Variants in EGLN1 observed in about 807,000 individuals in gnomAD.
EGLN1 encodes the protein egl-9 family hypoxia inducible factor 1, also known as egl nine homolog 1.
Under a neutral mutation model 38.3 loss-of-function variants are expected in EGLN1, and 17 were observed. That is an observed-to-expected ratio of 0.44 (90% confidence interval 0.30 to 0.67). EGLN1 has a LOEUF of 0.67. EGLN1 is among the 30% of genes least tolerant of loss of function. EGLN1 has a pLI of 0.08. For missense variants in EGLN1, 477 were observed against 603.3 expected (o/e 0.79, Z 2.19); for synonymous variants, 283 against 257.5 (o/e 1.10, Z -0.95).
chr1:231,409,727 A>T (rs1271671065), intron 1 of EGLN1, among the ~76,000 whole-genome samples: 1 of 152,196 alleles, frequency 6.6e-6, no homozygotes, highest in Non-Finnish European at 1.5e-5. Flanking sequence ...GATTGTTGTT[A>T]TTACTATTAT....
At chr1:231,418,352 TG>T (rs1402421792) in intron 1 of EGLN1, among the ~76,000 whole-genome samples, 5 of 152,326 alleles carry the variant, frequency 3.3e-5, no homozygotes, top group African/African-American at 1.2e-4. Flanking sequence ...ACAAAATATA[TG>T]TATCAAATTG....
chr1:231,377,864 T>C (rs1390889686), intron 1 of EGLN1, among the ~76,000 whole-genome samples: 3 of 151,604 alleles, frequency 2.0e-5, no homozygotes, highest in African/African-American at 2.4e-5. Flanking sequence ...TATACAGTAT[T>C]TGAATTCCAA....
chr1:231,372,549 A>G (rs1475173843), intron 2 of EGLN1, among the ~76,000 whole-genome samples: 2 of 152,202 alleles, frequency 1.3e-5, no homozygotes, highest in Admixed American at 1.3e-4. Context: ...AAAAAAGTCA[A>G]TTTTTAAATT....
At chr1:231,400,889 A>G (rs1688649879) in intron 1 of EGLN1, among the ~76,000 whole-genome samples, 1 of 152,106 alleles carries the variant, frequency 6.6e-6, no homozygotes, top group South Asian at 2.1e-4. Flanking sequence ...ATCTCTACAA[A>G]TAATACAAAA....
chr1:231,420,973 G>C (rs1656571549), intron 1 of EGLN1, 25 bp downstream of exon 1: 1 of 1,613,658 alleles, frequency 6.2e-7, no homozygotes, highest in Non-Finnish European at 8.5e-7. Flanking sequence ...GGCCTGTCCA[G>C]CACAAACCCG....
At chr1:231,380,287 G>C (rs2102903862) in intron 1 of EGLN1, among the ~76,000 whole-genome samples, 1 of 139,102 alleles carries the variant, frequency 7.2e-6, no homozygotes. Context: ...CTGCACTCAA[G>C]CCTGGGCGAC....
At chr1:231,388,114 T>C (rs1269710854) in intron 1 of EGLN1, among the ~76,000 whole-genome samples, 1 of 152,140 alleles carries the variant, frequency 6.6e-6, no homozygotes, top group Non-Finnish European at 1.5e-5. Context: ...GTAGAGGGTG[T>C]TAGAACCCAG....
intron 1 of EGLN1, among the ~76,000 whole-genome samples, chr1:231,381,108 C>T (rs941843691): frequency 2.0e-5 from 3 of 152,022 alleles, no homozygotes; most frequent in Non-Finnish European, 4.4e-5. Flanking sequence ...GCTCTCACTA[C>T]GTTGTTCAGG....
intron 1 of EGLN1, among the ~76,000 whole-genome samples, chr1:231,374,812 T>C (rs1191688883): frequency 6.6e-6 from 1 of 152,148 alleles, no homozygotes; most frequent in Admixed American, 6.5e-5. Context: ...ACTAAACAAA[T>C]TAGCTTATGT....
chr1:231,396,340 G>A lies in EGLN1; in HGVS notation c.892-22241C>T, dbSNP rs1439340191. ...AGGATCTCGGCTCACTGCAACCTCT[G>A]CCTCCTAGGTTCAAGCGATTCTCCT... On this transcript the variant is annotated intron_variant, in intron 1 of 4. Transcript: ENST00000366641. 6.0e-5 allele frequency among the ~76,000 whole-genome samples: 9 copies of A among 150,876 alleles called. No individual in the cohort carries two copies. The South Asian group carries it at 1.5e-3, about 25-fold the overall frequency.
intron 1 of EGLN1, among the ~76,000 whole-genome samples, chr1:231,396,111 T>C (rs1028169114): frequency 1.3e-5 from 2 of 152,008 alleles, no homozygotes; most frequent in African/African-American, 4.8e-5. Context: ...TTTGGTACTA[T>C]TCATCTTCTT....
intron 1 of EGLN1, among the ~76,000 whole-genome samples, chr1:231,382,607 T>C (rs1688101819): frequency 6.6e-6 from 1 of 152,198 alleles, no homozygotes; most frequent in African/African-American, 2.4e-5. Flanking sequence ...ATCTAGTTAA[T>C]CTAATGGCCT....
intron 2 of EGLN1, 59 bp from the exon 3 acceptor site, chr1:231,370,757 T>C (rs1458240826): frequency 8.9e-6 from 14 of 1,581,004 alleles, no homozygotes; most frequent in Non-Finnish European, 1.2e-5. Context: ...AGATTAAATT[T>C]AGGGGGAAAA....
chr1:231,377,704 T>C (rs1316743726), intron 1 of EGLN1, among the ~76,000 whole-genome samples: 2 of 152,188 alleles, frequency 1.3e-5, no homozygotes, highest in African/African-American at 2.4e-5. Flanking sequence ...GTTTGTATTA[T>C]TCACTTCTAA....
intron 1 of EGLN1, among the ~76,000 whole-genome samples, chr1:231,414,494 A>C (rs1420243185): frequency 2.0e-5 from 3 of 152,200 alleles, no homozygotes; most frequent in African/African-American, 7.2e-5. Context: ...CTCCTACTAA[A>C]GAAACAAGAG....
At chr1:231,415,877 T>A (rs1226277230) in intron 1 of EGLN1, among the ~76,000 whole-genome samples, 1 of 150,512 alleles carries the variant, frequency 6.6e-6, no homozygotes, top group Non-Finnish European at 1.5e-5. Flanking sequence ...AGACGGAGTC[T>A]CGCTCTGTCG....
chr1:231,404,221 G>A (rs1057500282), intron 1 of EGLN1, among the ~76,000 whole-genome samples: 7 of 152,078 alleles, frequency 4.6e-5, no homozygotes, highest in East Asian at 1.9e-4. Flanking sequence ...TTTTTACTAC[G>A]AGCACAATTA....
intron 2 of EGLN1, among the ~76,000 whole-genome samples, chr1:231,372,609 T>G (rs1173265107): frequency 6.6e-6 from 1 of 152,212 alleles, no homozygotes; most frequent in Non-Finnish European, 1.5e-5. Flanking sequence ...CAAATTCAAT[T>G]ACAAAATTTA....
intron 1 of EGLN1, among the ~76,000 whole-genome samples, chr1:231,400,772 A>G (rs1688646729): frequency 6.6e-6 from 1 of 152,174 alleles, no homozygotes; most frequent in Non-Finnish European, 1.5e-5. Flanking sequence ...TTGAGAGGCC[A>G]TGTCTGGTGG....
Sources: allele counts gnomAD v4.1 joint callset (sites outside exome capture counted in the v4.1 genomes callset), GRCh38; gene constraint gnomAD v4.1.1; transcripts MANE v1.5; gene names NCBI Gene and HGNC (gene_info 2026-07-23, HGNC 2026-07-21).